CSTPP1: variants seen among roughly 807,000 people sequenced by gnomAD.
CSTPP1 encodes the protein centriolar satellite-associated tubulin polyglutamylase complex regulator 1.
At chr11:47,124,114 CTTTTTT>C in the CSTPP1 span, among the ~76,000 whole-genome samples, 8 of 63,232 alleles carry the variant, frequency 1.3e-4, no homozygotes, top group African/African-American at 2.6e-4. Context: ...AATGGTCTTA[CTTTTTT>C]TTTTTTTTTT....
chr11:46,998,241 C>G, the CSTPP1 span, among the ~76,000 whole-genome samples: 1 of 152,274 alleles, frequency 6.6e-6, no homozygotes, highest in Admixed American at 6.5e-5. Flanking sequence ...ATTTTAGAAG[C>G]TGTATACTGT....
At chr11:46,975,518 C>T in the CSTPP1 span, among the ~76,000 whole-genome samples, 2 of 152,084 alleles carry the variant, frequency 1.3e-5, no homozygotes, top group African/African-American at 4.8e-5. Flanking sequence ...AATTTGAACC[C>T]TCTTATGTAT....
chr11:47,112,372 AG>A, the CSTPP1 span, among the ~76,000 whole-genome samples: 1 of 152,042 alleles, frequency 6.6e-6, no homozygotes, highest in Non-Finnish European at 1.5e-5. Flanking sequence ...CCCAGGCTGG[AG>A]TCCAGTGGCA....
At chr11:47,105,244 C>A in the CSTPP1 span, among the ~76,000 whole-genome samples, 59 of 152,112 alleles carry the variant, frequency 3.9e-4, no homozygotes, top group Non-Finnish European at 4.3e-4. Flanking sequence ...CCTGTAATCC[C>A]TACACTTTGG....
At chr11:46,981,575 T>C in the CSTPP1 span, among the ~76,000 whole-genome samples, 1 of 152,102 alleles carries the variant, frequency 6.6e-6, no homozygotes, top group Non-Finnish European at 1.5e-5. Flanking sequence ...AATTTCTAGA[T>C]AATACAACGT....
At chr11:47,085,688 G>A in the CSTPP1 span, among the ~76,000 whole-genome samples, 3 of 152,000 alleles carry the variant, frequency 2.0e-5, no homozygotes, top group East Asian at 5.8e-4. Context: ...TCAGGAGTTC[G>A]AGACCAGCCT....
chr11:47,051,108 T>TC, the CSTPP1 span, among the ~76,000 whole-genome samples: 18 of 151,998 alleles, frequency 1.2e-4, no homozygotes, highest in Non-Finnish European at 1.5e-5. Flanking sequence ...GTCAGATTTT[T>TC]CCCCCCCTTT....
At chr11:47,129,546 C>T in the CSTPP1 span, among the ~76,000 whole-genome samples, 1 of 152,314 alleles carries the variant, frequency 6.6e-6, no homozygotes, top group East Asian at 1.9e-4. Flanking sequence ...GGACCTCCCC[C>T]AGAACAAAGC....
the CSTPP1 span, among the ~76,000 whole-genome samples, chr11:47,096,485 G>T: frequency 6.6e-6 from 1 of 152,206 alleles, no homozygotes. Flanking sequence ...TTGCCTGGAG[G>T]CATGGGTCGG....
the CSTPP1 span, chr11:47,164,109 C>G: frequency 3.1e-6 from 5 of 1,612,282 alleles, no homozygotes; most frequent in Non-Finnish European, 4.2e-6. Flanking sequence ...GAGGTCGAAG[C>G]TGCACCGGAC....
the CSTPP1 span, among the ~76,000 whole-genome samples, chr11:46,991,196 GTT>G: frequency 4.7e-3 from 634 of 136,226 alleles, 1 homozygote; most frequent in Admixed American, 6.6e-3. Flanking sequence ...CTTGAACATA[GTT>G]TTTTTTTTTT....
the CSTPP1 span, among the ~76,000 whole-genome samples, chr11:47,040,720 T>C: frequency 7.9e-6 from 1 of 126,786 alleles, no homozygotes; most frequent in Admixed American, 8.5e-5. Context: ...TGGCCTGTGA[T>C]CCATGGGATG....
chr11:46,998,059 G>T, the CSTPP1 span, among the ~76,000 whole-genome samples: 1 of 152,160 alleles, frequency 6.6e-6, no homozygotes, highest in Non-Finnish European at 1.5e-5. Context: ...CAAACTCCGT[G>T]CTGGGAGATC....
the CSTPP1 span, among the ~76,000 whole-genome samples, chr11:47,028,068 C>T: frequency 4.6e-5 from 7 of 151,948 alleles, no homozygotes; most frequent in Non-Finnish European, 7.4e-5. Context: ...GGACTACAGG[C>T]GCCCGCCACC....
At chr11:47,042,010 C>T in the CSTPP1 span, 1 of 190,382 alleles carries the variant, frequency 5.3e-6, no homozygotes, top group South Asian at 6.6e-5. Context: ...TTGAGATCGG[C>T]CTGGAAGTGA....
chr11:47,016,390 CA>C, the CSTPP1 span, among the ~76,000 whole-genome samples: 3 of 125,850 alleles, frequency 2.4e-5, no homozygotes, highest in African/African-American at 8.7e-5. Flanking sequence ...ATGGAATCTA[CA>C]AAAAACAAAA....
the CSTPP1 span, among the ~76,000 whole-genome samples, chr11:46,978,883 T>G: frequency 4.4e-4 from 67 of 152,338 alleles, 1 homozygote; most frequent in Middle Eastern, 0.02. Flanking sequence ...TCTGTATCTT[T>G]TTGTCATTAG....
the CSTPP1 span, chr11:46,987,909 A>G: frequency 6.6e-6 from 1 of 152,658 alleles, no homozygotes; most frequent in South Asian, 2.1e-4. Flanking sequence ...AAAGATGTGC[A>G]TAGACACTTC....
chr11:47,089,319 G>GTA, the CSTPP1 span, among the ~76,000 whole-genome samples: 86 of 152,096 alleles, frequency 5.7e-4, no homozygotes, highest in Admixed American at 2.0e-3. Context: ...ATTTATATGT[G>GTA]TATATATATA....
Sources: allele counts gnomAD v4.1 joint callset (sites outside exome capture counted in the v4.1 genomes callset), GRCh38; gene constraint gnomAD v4.1.1; transcripts MANE v1.5; gene names NCBI Gene and HGNC (gene_info 2026-07-23, HGNC 2026-07-21).